Variants in GALNT13 observed in about 807,000 individuals in gnomAD.
GALNT13 encodes the protein polypeptide N-acetylgalactosaminyltransferase 13.
A neutral mutation model predicts 64.2 loss-of-function variants in GALNT13; 28 were observed. The ratio of observed to expected loss-of-function variants is 0.44; its 90% CI spans 0.32 to 0.60. GALNT13 has a LOEUF of 0.60. Ranked by LOEUF, GALNT13 falls within the 20% of genes least tolerant of loss-of-function variation. GALNT13 has a pLI of 0.05. For synonymous variants in GALNT13, 214 were observed against 224.6 expected (o/e 0.95, Z 0.42); for missense variants, 577 against 669.8 (o/e 0.86, Z 1.53).
chr2:154,101,150 A>ATTT (rs1574499559), intron 3 of GALNT13, among the ~76,000 whole-genome samples: 1 of 142,682 alleles, frequency 7.0e-6, no homozygotes, highest in African/African-American at 2.7e-5. Context: ...TATCAGGGAT[A>ATTT]TTTTTGTTGT....
At chr2:153,577,067 T>C in the GALNT13 span, among the ~76,000 whole-genome samples, 2 of 152,178 alleles carry the variant, frequency 1.3e-5, no homozygotes, top group Admixed American at 1.3e-4. Context: ...AAGTAAGAGG[T>C]CAAGATATTT....
At chr2:153,771,178 G>T in the GALNT13 span, among the ~76,000 whole-genome samples, 13 of 152,170 alleles carry the variant, frequency 8.5e-5, no homozygotes, top group Admixed American at 3.9e-4. Flanking sequence ...GGGCTTTACA[G>T]GGGATGGGAG....
In GALNT13 at chr2:154,195,053, T is replaced by C. The variant is rs985107645; in HGVS notation, c.312-46977T>C. ...CCTTCCATCCCCTGACAGGTCCTGA[T>C]GTGTGATGTTCCTCTCCCTCTGTCC... On this transcript the variant is annotated intron_variant, in intron 4 of 12. Coordinates refer to ENST00000392825, the MANE Select transcript of GALNT13 (RefSeq NM_052917.4). 9.1e-4 allele frequency among the ~76,000 whole-genome samples: 139 copies of C among 152,032 alleles called. 2 individuals carry two copies. The highest frequency in any genetic ancestry group is 6.3e-4 in the Non-Finnish European group (43 of 68,008).
At chr2:154,024,419 C>T (rs566814771) in intron 3 of GALNT13, among the ~76,000 whole-genome samples, 1 of 152,012 alleles carries the variant, frequency 6.6e-6, no homozygotes, top group Non-Finnish European at 1.5e-5. Context: ...CTAAACTTCC[C>T]TTCTCGCTTC....
chr2:153,978,091 A>G (rs545904884), intron 3 of GALNT13, among the ~76,000 whole-genome samples: 1 of 152,296 alleles, frequency 6.6e-6, no homozygotes, highest in African/African-American at 2.4e-5. Context: ...CATGCTTTCC[A>G]AAACATTACA....
At chr2:153,110,297 T>G in the GALNT13 span, among the ~76,000 whole-genome samples, 1 of 152,060 alleles carries the variant, frequency 6.6e-6, no homozygotes, top group Non-Finnish European at 1.5e-5. Context: ...GGATATAGGA[T>G]TTTATCCTAA....
the GALNT13 span, among the ~76,000 whole-genome samples, chr2:153,512,343 C>T: frequency 4.6e-5 from 7 of 152,186 alleles, no homozygotes; most frequent in East Asian, 9.7e-4. Context: ...TGAAGAGCAC[C>T]TACACCACTT....
chr2:153,448,367 A>C, the GALNT13 span, among the ~76,000 whole-genome samples: 2 of 152,122 alleles, frequency 1.3e-5, no homozygotes, highest in African/African-American at 4.8e-5. Flanking sequence ...TTTTCTTTCT[A>C]TTCCTCTAAC....
chr2:154,421,779 T>C (rs1255599509), intron 11 of GALNT13, among the ~76,000 whole-genome samples: 2 of 152,086 alleles, frequency 1.3e-5, no homozygotes, highest in Non-Finnish European at 2.9e-5. Context: ...TATATAATTA[T>C]ACATGCAAGA....
chr2:154,371,760 C>T (rs1295967533), intron 9 of GALNT13, among the ~76,000 whole-genome samples: 1 of 145,392 alleles, frequency 6.9e-6, no homozygotes, highest in Non-Finnish European at 1.5e-5. Context: ...AGGCCTTAAG[C>T]TTTTTTTGTG....
the GALNT13 span, among the ~76,000 whole-genome samples, chr2:153,861,237 T>G: frequency 1.3e-5 from 2 of 152,232 alleles, no homozygotes; most frequent in South Asian, 2.1e-4. Context: ...TCTCAAAATA[T>G]CTATTATTAT....
chr2:153,639,262 T>A, the GALNT13 span, among the ~76,000 whole-genome samples: 32,338 of 152,042 alleles, frequency 0.21, 4,316 homozygotes, highest in Middle Eastern at 0.44. Context: ...ATTAAGCATT[T>A]ATTGAAGTTA....
At chr2:153,393,947 T>TACAC in the GALNT13 span, among the ~76,000 whole-genome samples, 227 of 128,262 alleles carry the variant, frequency 1.8e-3, no homozygotes, top group Middle Eastern at 8.5e-3. Context: ...TCTCTCTGTC[T>TACAC]ACACACACAC....
At chr2:154,033,425 G>A (rs747933017) in intron 3 of GALNT13, among the ~76,000 whole-genome samples, 7 of 151,794 alleles carry the variant, frequency 4.6e-5, no homozygotes, top group Non-Finnish European at 5.9e-5. Flanking sequence ...ATTGACAAAG[G>A]ATTTATATTC....
chr2:153,434,027 T>G, the GALNT13 span, among the ~76,000 whole-genome samples: 1 of 152,150 alleles, frequency 6.6e-6, no homozygotes, highest in Admixed American at 6.5e-5. Context: ...CCCCTTGTTG[T>G]GTTCATGTGT....
the GALNT13 span, among the ~76,000 whole-genome samples, chr2:153,835,795 A>G: frequency 1.3e-5 from 2 of 152,056 alleles, no homozygotes; most frequent in South Asian, 4.1e-4. Flanking sequence ...TTTTGGATTT[A>G]TGGAAACCAG....
the GALNT13 span, among the ~76,000 whole-genome samples, chr2:153,397,208 G>C: frequency 1.3e-5 from 2 of 152,086 alleles, no homozygotes; most frequent in Non-Finnish European, 2.9e-5. Flanking sequence ...GAAAGTAAAA[G>C]GATGTTTCTT....
chr2:153,680,532 C>T, the GALNT13 span, among the ~76,000 whole-genome samples: 2 of 151,848 alleles, frequency 1.3e-5, no homozygotes, highest in Non-Finnish European at 2.9e-5. Context: ...TAGATCCCCT[C>T]CCCTCATAAA....
At chr2:153,261,142 G>C in the GALNT13 span, among the ~76,000 whole-genome samples, 10 of 151,998 alleles carry the variant, frequency 6.6e-5, no homozygotes, top group Admixed American at 6.6e-4. Flanking sequence ...TTCCCCCAAA[G>C]AGCTATTTTG....
Sources: gnomAD v4.1 joint callset for allele counts (sites outside exome capture counted in the v4.1 genomes callset) on GRCh38, gnomAD v4.1.1 for gene constraint, MANE v1.5 for transcripts, NCBI Gene and HGNC (gene_info 2026-07-23, HGNC 2026-07-21) for gene names.